Variants in MEF2A observed in about 807,000 individuals in gnomAD.
The protein encoded by MEF2A is myocyte enhancer factor 2A.
MEF2A carries 28 observed loss-of-function variants against 55.8 expected under a neutral mutation model. The observed-to-expected ratio is 0.50, with a 90% CI of 0.37 to 0.69. MEF2A has a LOEUF of 0.69. Among genes scored for constraint, MEF2A ranks in the 30% least tolerant of loss-of-function variants. MEF2A has a pLI of 0.00. For missense variants in MEF2A, 528 were observed against 626.2 expected (o/e 0.84, Z 1.67); for synonymous variants, 239 against 227.1 (o/e 1.05, Z -0.47).
At chr15:99,659,124 T>C (rs2048215808) in intron 4 of MEF2A, among the ~76,000 whole-genome samples, 1 of 152,174 alleles carries the variant, frequency 6.6e-6, no homozygotes, top group Admixed American at 6.5e-5. Flanking sequence ...TTGTCTGTGG[T>C]GCACTGAGAA....
chr15:99,634,891 T>G (rs531264431), intron 3 of MEF2A, among the ~76,000 whole-genome samples: 1 of 152,334 alleles, frequency 6.6e-6, no homozygotes, highest in Non-Finnish European at 1.5e-5. Context: ...AAAGAAATAA[T>G]TGGACAGTTT....
At chr15:99,583,970 G>T (rs1966650598) in intron 1 of MEF2A, among the ~76,000 whole-genome samples, 1 of 152,038 alleles carries the variant, frequency 6.6e-6, no homozygotes, top group Non-Finnish European at 1.5e-5. Context: ...ACACACCTAG[G>T]CTATATTTGG....
intron 1 of MEF2A, among the ~76,000 whole-genome samples, chr15:99,583,831 A>G (rs958091334): frequency 6.6e-6 from 1 of 152,132 alleles, no homozygotes; most frequent in African/African-American, 2.4e-5. Context: ...GGAAAATACA[A>G]TAGGTACAGT....
chr15:99,671,530 A>G, intron 5 of MEF2A, 76 bp downstream of exon 5: 1 of 1,613,882 alleles, frequency 6.2e-7, no homozygotes, highest in East Asian at 2.2e-5. Context: ...GCTCTGAACA[A>G]GAAGGAACAC....
chr15:99,710,194 A>C (rs2058475941), intron 10 of MEF2A, among the ~76,000 whole-genome samples: 1 of 152,166 alleles, frequency 6.6e-6, no homozygotes, highest in Non-Finnish European at 1.5e-5. Context: ...TTAGACCCAC[A>C]TGTATGTTGT....
At chr15:99,596,690 A>G (rs1971286656) in intron 1 of MEF2A, among the ~76,000 whole-genome samples, 1 of 152,226 alleles carries the variant, frequency 6.6e-6, no homozygotes, top group Non-Finnish European at 1.5e-5. Flanking sequence ...TGTTAGCATT[A>G]TAATTGATCC....
intron 5 of MEF2A, among the ~76,000 whole-genome samples, chr15:99,673,662 G>A (rs2051320270): frequency 2.0e-5 from 3 of 152,048 alleles, no homozygotes; most frequent in Admixed American, 2.0e-4. Context: ...ATAGAAAAAA[G>A]GGGATATGGA....
chr15:99,660,297 A>G (rs969618979), intron 4 of MEF2A, among the ~76,000 whole-genome samples: 1 of 151,996 alleles, frequency 6.6e-6, no homozygotes, highest in Non-Finnish European at 1.5e-5. Flanking sequence ...CGCCTGGGAG[A>G]CATTTTTATT....
chr15:99,605,538 C>T (rs527745473), intron 2 of MEF2A, among the ~76,000 whole-genome samples: 41 of 152,144 alleles, frequency 2.7e-4, no homozygotes, highest in Non-Finnish European at 4.3e-4. Context: ...CATTTACAGA[C>T]GTTACATTCT....
intron 3 of MEF2A, among the ~76,000 whole-genome samples, chr15:99,633,636 T>C (rs1394333333): frequency 2.0e-5 from 3 of 152,218 alleles, no homozygotes; most frequent in Admixed American, 6.5e-5. Context: ...TTTATACTTA[T>C]TGCAAATATT....
intron 7 of MEF2A, among the ~76,000 whole-genome samples, chr15:99,681,485 T>C (rs1193985691): frequency 2.0e-5 from 3 of 152,218 alleles, no homozygotes; most frequent in Non-Finnish European, 2.9e-5. Flanking sequence ...CAGTTTTCAG[T>C]CATTCACATG....
At chr15:99,576,604 A>G (rs1364134050) in intron 1 of MEF2A, among the ~76,000 whole-genome samples, 3 of 150,838 alleles carry the variant, frequency 2.0e-5, no homozygotes, top group Non-Finnish European at 3.0e-5. Flanking sequence ...TTTGTTTTTA[A>G]TAACTGTTAT....
chr15:99,674,744 C>A, intron 6 of MEF2A, 132 bp downstream of exon 6: 1 of 766,024 alleles, frequency 1.3e-6, no homozygotes, highest in Non-Finnish European at 2.1e-6. Context: ...ACATAATTGG[C>A]CTCATTTTAA....
intron 7 of MEF2A, among the ~76,000 whole-genome samples, chr15:99,684,352 T>C (rs1235627855): frequency 6.6e-6 from 1 of 152,246 alleles, no homozygotes; most frequent in Non-Finnish European, 1.5e-5. Flanking sequence ...TGTTTGCTTT[T>C]CACCATATCC....
chr15:99,678,151 C>T (rs757394635), intron 7 of MEF2A, among the ~76,000 whole-genome samples: 10 of 152,094 alleles, frequency 6.6e-5, no homozygotes, highest in Non-Finnish European at 1.2e-4. Context: ...TCCATTATAT[C>T]TTTTTCTTTA....
chr15:99,681,942 CTG>C (rs2153681521), intron 7 of MEF2A: 1 of 152,268 alleles, frequency 6.6e-6, no homozygotes, highest in African/African-American at 2.4e-5. Flanking sequence ...AATTTTATAA[CTG>C]TTAGAATGTA....
intron 3 of MEF2A, among the ~76,000 whole-genome samples, chr15:99,634,499 A>G (rs1046552752): frequency 1.3e-5 from 2 of 152,220 alleles, no homozygotes; most frequent in African/African-American, 4.8e-5. Context: ...GGATATATGC[A>G]GTATAAATAT....
Position 99,710,617 on chromosome 15 carries a change from C to T in MEF2A, c.1010-17C>T, listed in dbSNP as rs769844691. 2 of 1,604,110 alleles carry T rather than the reference C, an allele frequency of 1.2e-6. No individual in the cohort carries two copies. The highest frequency in any genetic ancestry group is 2.2e-5 in the South Asian group (2 of 90,862). ...GACCTTCCATCATATGCAGAGCCCTCTTGTCTTCCTTTGTAGATTATTCAC... is the reference window on the plus strand; with the variant it reads ...GACCTTCCATCATATGCAGAGCCCTTTTGTCTTCCTTTGTAGATTATTCAC... On this transcript the variant is annotated splice_polypyrimidine_tract_variant and intron_variant, in intron 10 of 11. Coordinates refer to ENST00000557942, the MANE Select transcript of MEF2A (RefSeq NM_001319206.4).
chr15:99,634,190 T>C lies in MEF2A; in HGVS notation c.54+1017T>C, dbSNP rs548327245. On this transcript the variant is annotated intron_variant, in intron 3 of 11. Transcript: ENST00000557942. ...ATCTGAGTAGTAATTCACTGGAATA[T>C]AGATATAATTGGAGATAAAACTCAA... is the stretch of plus-strand genomic sequence containing the variant. Among the ~76,000 whole-genome samples the C allele has an allele frequency of 1.4e-3, 216 of 152,236 alleles. 1 individual carries two copies. The highest frequency in any genetic ancestry group is 8.5e-3 in the South Asian group (41 of 4,820).
Sources: allele counts gnomAD v4.1 joint callset (sites outside exome capture counted in the v4.1 genomes callset), GRCh38; gene constraint gnomAD v4.1.1; transcripts MANE v1.5; gene names NCBI Gene and HGNC (gene_info 2026-07-23, HGNC 2026-07-21).